Variants in ZSWIM6 observed in about 807,000 individuals in gnomAD.
ZSWIM6 encodes the protein zinc finger SWIM domain-containing protein 6.
Under a neutral mutation model 113.2 loss-of-function variants are expected in ZSWIM6, and 9 were observed. The ratio of observed to expected loss-of-function variants is 0.08; its 90% CI spans 0.05 to 0.14. The LOEUF (loss-of-function observed/expected upper bound fraction) is 0.14, where lower values mean the gene tolerates loss of function less well. Among genes scored for constraint, ZSWIM6 ranks in the 10% least tolerant of loss-of-function variants. The probability of loss-of-function intolerance (pLI) is 1.00; values close to 1 mark genes in which losing one functional copy is unlikely to be tolerated. For missense variants in ZSWIM6, 1,162 were observed against 1,552.2 expected (o/e 0.75, Z 4.22); for synonymous variants, 611 against 606.5 (o/e 1.01, Z -0.11).
At position 61,339,020 on chromosome 5, in the gene ZSWIM6, A is replaced by G. The variant is rs1360090531; in HGVS notation, c.676+6072A>G. Among the ~76,000 whole-genome samples, 4 of 152,030 alleles carry G rather than the reference A, an allele frequency of 2.6e-5. No homozygotes were observed. In the East Asian group the frequency reaches 7.7e-4, roughly 29 times the overall value. On this transcript the variant is annotated intron_variant, in intron 1 of 13. Coordinates refer to ENST00000252744, the MANE Select transcript of ZSWIM6 (RefSeq NM_020928.2). ...TTTTTTCCACAAAAATGGATAATCAATTGCTGTCTCAATTCTAACCCTATG... is the reference window on the plus strand; with the variant it reads ...TTTTTTCCACAAAAATGGATAATCAGTTGCTGTCTCAATTCTAACCCTATG...
At chr5:61,367,928 C>T (rs1745193416) in intron 1 of ZSWIM6, among the ~76,000 whole-genome samples, 1 of 151,962 alleles carries the variant, frequency 6.6e-6, no homozygotes. Context: ...TTGAGACCAG[C>T]CTCTGTAACA....
intron 1 of ZSWIM6, among the ~76,000 whole-genome samples, chr5:61,356,620 G>A (rs569079569): frequency 6.8e-6 from 1 of 146,166 alleles, no homozygotes; most frequent in African/African-American, 2.5e-5. Context: ...CCTTAAAAAC[G>A]TTGGCTTTTA....
intron 1 of ZSWIM6, among the ~76,000 whole-genome samples, chr5:61,344,300 C>T (rs1226004267): frequency 6.6e-6 from 1 of 152,140 alleles, no homozygotes; most frequent in Non-Finnish European, 1.5e-5. Context: ...AGTGAACTAG[C>T]CAGTCTTTTC....
chr5:61,338,594 C>G lies in ZSWIM6; in HGVS notation c.676+5646C>G, dbSNP rs137960759. The stretch of plus-strand genomic sequence containing the variant: ...AGTTAAATTTTCAGTTTTAGGAATA[C>G]TTGGAATTTGTTATCATACTTAGTT... On this transcript the variant is annotated intron_variant, in intron 1 of 13. Transcript: ENST00000252744. 2.2e-3 allele frequency among the ~76,000 whole-genome samples: 342 copies of G among 152,228 alleles called. 2 individuals are homozygous for G. Among genetic ancestry groups the G allele is most frequent in the African/African-American group, 6.2e-3 (259 of 41,538 alleles).
At chr5:61,536,156 G>A (rs1749567892) in intron 10 of ZSWIM6, among the ~76,000 whole-genome samples, 1 of 152,210 alleles carries the variant, frequency 6.6e-6, no homozygotes, top group Admixed American at 6.5e-5. Context: ...GGGTCCTTCA[G>A]GCTCTGCCTG....
intron 1 of ZSWIM6, among the ~76,000 whole-genome samples, chr5:61,428,984 T>C (rs1244823623): frequency 2.0e-5 from 3 of 152,226 alleles, no homozygotes; most frequent in East Asian, 1.9e-4. Flanking sequence ...CCCACTACCA[T>C]TGTTATAAAA....
At chr5:61,487,752 G>C (rs911407848) in intron 2 of ZSWIM6, among the ~76,000 whole-genome samples, 2 of 151,994 alleles carry the variant, frequency 1.3e-5, no homozygotes. Flanking sequence ...TACTGAATTC[G>C]TTTATCAAAT....
intron 1 of ZSWIM6, among the ~76,000 whole-genome samples, chr5:61,420,305 A>G (rs1746329424): frequency 6.6e-6 from 1 of 152,252 alleles, no homozygotes; most frequent in Non-Finnish European, 1.5e-5. Context: ...AAAGACCTAC[A>G]AAATGATACT....
intron 1 of ZSWIM6, among the ~76,000 whole-genome samples, chr5:61,448,416 A>G (rs1285041485): frequency 7.2e-5 from 11 of 152,218 alleles, no homozygotes; most frequent in Non-Finnish European, 1.3e-4. Flanking sequence ...AATTGAACAT[A>G]GGCCTATATT....
rs763898569 is a variant in ZSWIM6 at position 61,365,726 on chromosome 5, A to AAT, written c.676+32778_676+32779insAT. Among the ~76,000 whole-genome samples, 41 of 152,250 alleles carry AAT rather than the reference A, an allele frequency of 2.7e-4. 1 individual carries two copies. The highest frequency in any genetic ancestry group is 1.4e-3 in the East Asian group (7 of 5,162). ...TAATGGGCTCATCACTGAAAGATGG[A>AAT]GTCAATTCCCTTTGCTGACTTACTA... On this transcript the variant is annotated intron_variant, in intron 1 of 13. Coordinates refer to ENST00000252744, the MANE Select transcript of ZSWIM6 (RefSeq NM_020928.2).
At chr5:61,508,756 C>T (rs1177575069) in intron 4 of ZSWIM6, among the ~76,000 whole-genome samples, 2 of 152,118 alleles carry the variant, frequency 1.3e-5, no homozygotes, top group Admixed American at 1.3e-4. Context: ...TGGCAACATC[C>T]ACTTCTCATC....
chr5:61,368,162 T>C (rs1187103216), intron 1 of ZSWIM6, among the ~76,000 whole-genome samples: 2 of 152,162 alleles, frequency 1.3e-5, no homozygotes, highest in Non-Finnish European at 2.9e-5. Flanking sequence ...GGTAGGATTG[T>C]TGTGAGGATT....
chr5:61,365,090 T>C (rs986218096), intron 1 of ZSWIM6, among the ~76,000 whole-genome samples: 1 of 152,178 alleles, frequency 6.6e-6, no homozygotes, highest in African/African-American at 2.4e-5. Flanking sequence ...CCCACGCTTA[T>C]AATCCCAGGA....
intron 1 of ZSWIM6, among the ~76,000 whole-genome samples, chr5:61,379,957 A>G (rs1036503046): frequency 3.9e-5 from 6 of 152,190 alleles, no homozygotes; most frequent in Non-Finnish European, 5.9e-5. Context: ...TGATAGGCAA[A>G]CTCTTAAGCC....
intron 1 of ZSWIM6, among the ~76,000 whole-genome samples, chr5:61,409,299 G>A (rs976642004): frequency 6.6e-6 from 1 of 152,052 alleles, no homozygotes; most frequent in Admixed American, 6.6e-5. Flanking sequence ...GCTGTTTAAG[G>A]AGGTTCTCAA....
At chr5:61,541,348 A>G (rs1456846983) in intron 12 of ZSWIM6, among the ~76,000 whole-genome samples, 1 of 152,202 alleles carries the variant, frequency 6.6e-6, no homozygotes. Flanking sequence ...TCAGATCACT[A>G]ATGATATCAA....
At chr5:61,459,654 T>A (rs1747282842) in intron 1 of ZSWIM6, among the ~76,000 whole-genome samples, 1 of 152,214 alleles carries the variant, frequency 6.6e-6, no homozygotes, top group Non-Finnish European at 1.5e-5. Flanking sequence ...TCATTTAACC[T>A]TGTATTAAAT....
chr5:61,418,468 T>C (rs1039832235), intron 1 of ZSWIM6, among the ~76,000 whole-genome samples: 12 of 151,884 alleles, frequency 7.9e-5, no homozygotes, highest in Non-Finnish European at 1.6e-4. Flanking sequence ...TTTCAAGACC[T>C]GGTTGGTCTC....
rs114019883 is a variant in ZSWIM6, at chr5:61,532,436, G to A, written c.2245+711G>A. On this transcript the variant is annotated intron_variant, in intron 9 of 13. Transcript: ENST00000252744. ...TGTGATCTTTCGTGCAAATTTAGGT[G>A]GTGTGTAACTATTGCTTCTGTCTCT... is the stretch of plus-strand genomic sequence containing the variant. Among the ~76,000 whole-genome samples, 1,179 of 152,186 alleles carry A rather than the reference G, an allele frequency of 7.7e-3. 9 individuals are homozygous for A. Among genetic ancestry groups the A allele is most frequent in the African/African-American group, 0.027 (1,129 of 41,502 alleles).
Sources: gnomAD v4.1 joint callset for allele counts (sites outside exome capture counted in the v4.1 genomes callset) on GRCh38, gnomAD v4.1.1 for gene constraint, MANE v1.5 for transcripts, NCBI Gene and HGNC (gene_info 2026-07-23, HGNC 2026-07-21) for gene names.